The following LSAMP variants were observed in gnomAD, a reference collection of about 807,000 sequenced individuals.
LSAMP encodes limbic system associated membrane protein.
LSAMP carries 7 observed loss-of-function variants against 38.6 expected under a neutral mutation model. That is an observed-to-expected ratio of 0.18 (90% confidence interval 0.10 to 0.34). The LOEUF is 0.34. Ranked by LOEUF, LSAMP falls within the 10% of genes least tolerant of loss-of-function variation. LSAMP has a pLI of 1.00. For synonymous variants in LSAMP, 154 were observed against 166.8 expected, an observed-to-expected ratio of 0.92 and a Z score of 0.59; for missense variants, 313 against 420.0, an observed-to-expected ratio of 0.75 and a Z score of 2.23.
chr3:115,836,433 T>C (rs1038826584), intron 6 of LSAMP, among the ~76,000 whole-genome samples: 1 of 152,206 alleles, frequency 6.6e-6, no homozygotes, highest in Non-Finnish European at 1.5e-5. Context: ...AAACGAAACT[T>C]TCCAACTTTT....
At chr3:116,208,433 G>T (rs552149180) in intron 1 of LSAMP, among the ~76,000 whole-genome samples, 3 of 152,246 alleles carry the variant, frequency 2.0e-5, no homozygotes, top group Admixed American at 6.5e-5. Context: ...GCTTTGTTCC[G>T]TTGCTGGTGA....
At chr3:115,983,395 C>T (rs1436328981) in intron 3 of LSAMP, among the ~76,000 whole-genome samples, 2 of 152,014 alleles carry the variant, frequency 1.3e-5, no homozygotes, top group African/African-American at 4.8e-5. Flanking sequence ...TGGTGGTGCA[C>T]ACCTGTAGTC....
rs187771505 is a variant in LSAMP at position 116,183,516 on chromosome 3, A to T, written c.156-96960T>A. Among the ~76,000 whole-genome samples the T allele has an allele frequency of 6.0e-3, 919 of 151,990 alleles. 3 individuals are homozygous for T. The highest frequency in any genetic ancestry group is 0.011 in the Admixed American group (162 of 15,228). Reference sequence around the variant, plus strand: ...GAAGTAGATAGAAATGGGTATGTACATCAGTCTCAACTTTTGGGTTGGGTT... The same window carrying T: ...GAAGTAGATAGAAATGGGTATGTACTTCAGTCTCAACTTTTGGGTTGGGTT... On this transcript the variant is annotated intron_variant, in intron 1 of 6. Coordinates refer to ENST00000490035, the MANE Select transcript of LSAMP (RefSeq NM_002338.5).
chr3:115,828,513 T>G (rs997229369), intron 6 of LSAMP, among the ~76,000 whole-genome samples: 4 of 152,210 alleles, frequency 2.6e-5, no homozygotes, highest in Non-Finnish European at 4.4e-5. Context: ...AACTGGCACA[T>G]GAGGCAGACT....
chr3:116,165,962 C>G (rs1293681047), intron 1 of LSAMP, among the ~76,000 whole-genome samples: 1 of 152,168 alleles, frequency 6.6e-6, no homozygotes, highest in African/African-American at 2.4e-5. Context: ...CATCTAAAAA[C>G]ATCATATGTG....
intron 2 of LSAMP, among the ~76,000 whole-genome samples, chr3:116,037,852 G>A (rs1941081610): frequency 1.3e-5 from 2 of 151,946 alleles, no homozygotes; most frequent in African/African-American, 4.8e-5. Flanking sequence ...TGACAAGATT[G>A]TACTCAACTT....
intron 3 of LSAMP, among the ~76,000 whole-genome samples, chr3:115,914,152 A>C (rs1037574143): frequency 6.6e-6 from 1 of 152,190 alleles, no homozygotes; most frequent in African/African-American, 2.4e-5. Context: ...AGACCTAGAG[A>C]TCCTTGACCA....
intron 1 of LSAMP, among the ~76,000 whole-genome samples, chr3:116,164,033 C>A (rs1709970136): frequency 6.6e-6 from 1 of 151,852 alleles, no homozygotes; most frequent in Non-Finnish European, 1.5e-5. Context: ...GTATGTATTA[C>A]TGACTTTCGT....
At chr3:116,103,598 A>G (rs1708398090) in intron 1 of LSAMP, among the ~76,000 whole-genome samples, 1 of 138,460 alleles carries the variant, frequency 7.2e-6, no homozygotes, top group South Asian at 2.2e-4. Context: ...CTTTGAGGAC[A>G]TGAGTCAATG....
intron 1 of LSAMP, among the ~76,000 whole-genome samples, chr3:116,118,643 A>G (rs1383813801): frequency 6.6e-6 from 1 of 152,168 alleles, no homozygotes; most frequent in Non-Finnish European, 1.5e-5. Flanking sequence ...TCAGGATTAC[A>G]GAGTTAGCTC....
intron 3 of LSAMP, among the ~76,000 whole-genome samples, chr3:115,918,205 G>A (rs770296326): frequency 2.0e-4 from 30 of 152,264 alleles, no homozygotes; most frequent in East Asian, 1.2e-3. Flanking sequence ...AGCTTCTTAC[G>A]TAGGGAGATT....
chr3:116,152,467 A>G (rs1388761138), intron 1 of LSAMP, among the ~76,000 whole-genome samples: 10 of 152,246 alleles, frequency 6.6e-5, no homozygotes, highest in Non-Finnish European at 1.2e-4. Context: ...ACTGTTAATC[A>G]TGACACTGCA....
At chr3:116,096,036 C>T (rs1708219179) in intron 1 of LSAMP, among the ~76,000 whole-genome samples, 1 of 152,052 alleles carries the variant, frequency 6.6e-6, no homozygotes, top group African/African-American at 2.4e-5. Flanking sequence ...GCATGTGTTT[C>T]CTAAGCTATA....
In LSAMP at chr3:116,078,450, G is replaced by A. The variant is rs1052636529; in HGVS notation, c.388+7874C>T. ...CTCCATTATCCTGCCTCAGCCTCCC[G>A]AGTAGCTGGGACTACAGGTGCCCGC... On this transcript the variant is annotated intron_variant, in intron 2 of 6. Coordinates refer to ENST00000490035, the MANE Select transcript of LSAMP (RefSeq NM_002338.5). Among the ~76,000 whole-genome samples, 4 of 151,866 alleles carry A rather than the reference G, an allele frequency of 2.6e-5. No individual in the cohort carries two copies. In the South Asian group the frequency reaches 6.3e-4, roughly 24 times the overall value.
chr3:116,092,294 T>C (rs1553703079), intron 1 of LSAMP, among the ~76,000 whole-genome samples: 1 of 152,000 alleles, frequency 6.6e-6, no homozygotes, highest in Non-Finnish European at 1.5e-5. Context: ...AATTATTGAG[T>C]GTGGTATTAA....
intron 1 of LSAMP, among the ~76,000 whole-genome samples, chr3:116,175,444 A>G (rs67278926): frequency 0.2 from 29,934 of 151,858 alleles, 2,978 homozygotes; most frequent in Admixed American, 0.24. Context: ...ATTGTTAACT[A>G]TAGTCGTCCT....
At chr3:116,306,926 C>T (rs1342108379) in intron 1 of LSAMP, among the ~76,000 whole-genome samples, 1 of 151,858 alleles carries the variant, frequency 6.6e-6, no homozygotes, top group Non-Finnish European at 1.5e-5. Context: ...TATGAGCTTC[C>T]CTGCAGGGCA....
At chr3:116,393,600 G>A (rs1583182) in intron 1 of LSAMP, among the ~76,000 whole-genome samples, 14,300 of 152,150 alleles carry the variant, frequency 0.094, 748 homozygotes, top group Middle Eastern at 0.15. Context: ...CAGCAGGCCC[G>A]AACAAAAACT....
intron 2 of LSAMP, among the ~76,000 whole-genome samples, chr3:116,044,124 A>G (rs915646346): frequency 1.3e-5 from 2 of 152,230 alleles, no homozygotes; most frequent in Non-Finnish European, 2.9e-5. Flanking sequence ...ATGGACAGAT[A>G]GAAGGTACTC....
Sources: allele counts gnomAD v4.1 joint callset (sites outside exome capture counted in the v4.1 genomes callset), GRCh38; gene constraint gnomAD v4.1.1; transcripts MANE v1.5; gene names NCBI Gene and HGNC (gene_info 2026-07-23, HGNC 2026-07-21).